Variants in COL4A3 observed in about 807,000 individuals in gnomAD.
The protein encoded by COL4A3 is collagen type IV alpha 3 chain, also known as collagen alpha-3(IV) chain.
Under a neutral mutation model 217.4 loss-of-function variants are expected in COL4A3, and 135 were observed. The ratio of observed to expected loss-of-function variants is 0.62; its 90% CI spans 0.54 to 0.72. COL4A3 has a LOEUF of 0.72. COL4A3 is among the 30% of genes least tolerant of loss of function. The pLI, the probability that COL4A3 is intolerant of heterozygous loss-of-function variation, is 0.00. For synonymous variants in COL4A3, 690 were observed against 736.3 expected, an observed-to-expected ratio of 0.94 and a Z score of 1.02; for missense variants, 1,868 against 2,119.9, an observed-to-expected ratio of 0.88 and a Z score of 2.33.
At chr2:227,238,210 C>T (rs970502857) in intron 2 of COL4A3, 186 bp downstream of exon 2, 18 of 482,478 alleles carry the variant, frequency 3.7e-5, no homozygotes, top group Non-Finnish European at 5.7e-5. Flanking sequence ...ATCTAGGAAG[C>T]TTCAGATACC....
At position 227,312,028 on chromosome 2, in the gene COL4A3, C is replaced by A; in HGVS notation, c.*158C>A. On this transcript the variant is annotated 3_prime_UTR_variant, in exon 52 of 52. Coordinates refer to ENST00000396578, the MANE Select transcript of COL4A3 (RefSeq NM_000091.5). ...TGTTTCCCCACAAAACAAAGCAATT[C>A]TTTCAAGTCAGTTCTGTGATCTGGG... is the stretch of plus-strand genomic sequence containing the variant. 7.4e-7 allele frequency: 1 copy of A among 1,350,842 alleles called. No individual in the cohort carries two copies. The highest frequency in any genetic ancestry group is 1.0e-6 in the Non-Finnish European group (1 of 981,018). The allele number at this position is 1,350,842 out of a possible 1,614,324, so 83.7% of individuals were successfully genotyped here.
At chr2:227,173,299 G>C (rs2065557124) in intron 1 of COL4A3, among the ~76,000 whole-genome samples, 1 of 152,146 alleles carries the variant, frequency 6.6e-6, no homozygotes, top group South Asian at 2.1e-4. Flanking sequence ...AAAACTCTTT[G>C]CTCTTCCTAG....
intron 1 of COL4A3, among the ~76,000 whole-genome samples, chr2:227,217,667 T>C (rs1332396749): frequency 1.3e-5 from 2 of 152,204 alleles, no homozygotes; most frequent in Admixed American, 6.5e-5. Context: ...AAATTATCAA[T>C]ATGCCATCTA....
intron 29 of COL4A3, 86 bp from the exon 30 acceptor site, chr2:227,280,354 G>C: frequency 6.7e-7 from 1 of 1,482,134 alleles, no homozygotes; most frequent in Non-Finnish European, 9.4e-7. Context: ...CTGTGCAACA[G>C]GGACTTAGAG....
At chr2:227,307,032 C>T (rs1350803549) in intron 47 of COL4A3, among the ~76,000 whole-genome samples, 9 of 152,122 alleles carry the variant, frequency 5.9e-5, no homozygotes, top group Admixed American at 5.9e-4. Flanking sequence ...TAGAACACGA[C>T]AAGTGTGGAT....
At position 227,238,017 on chromosome 2, in the gene COL4A3, G is replaced by A; in HGVS notation, c.137G>A (p.Gly46Glu). Residue 46 changes from glycine to glutamate, a missense_variant, in exon 2 of 52, where the codon GGG becomes GAG. This residue lies in a region of COL4A3 where 365 missense variants were observed against 333.8 expected (regional missense o/e 1.09). Coordinates refer to ENST00000396578, the MANE Select transcript of COL4A3 (RefSeq NM_000091.5). ...CAGTGCTTCTGTGACGGGGCCAAAG[G>A]GGAGAAGGTAAAAACAAACCCTAAT... is the stretch of plus-strand genomic sequence containing the variant. ...KGQCFCDGAKGEKGEKGFPGP... is the reference protein window; with the variant it reads ...KGQCFCDGAKEEKGEKGFPGP... 6.2e-7 allele frequency: 1 copy of A among 1,605,140 alleles called. No homozygotes were observed. The highest frequency in any genetic ancestry group is 8.5e-7 in the Non-Finnish European group (1 of 1,172,074).
intron 1 of COL4A3, among the ~76,000 whole-genome samples, chr2:227,171,681 T>C (rs1034936055): frequency 6.6e-6 from 1 of 152,138 alleles, no homozygotes; most frequent in Non-Finnish European, 1.5e-5. Flanking sequence ...TGAATCCGTG[T>C]GGGTCTGCAG....
rs113345186 is a variant in COL4A3 at position 227,166,383 on chromosome 2, G to C, written c.87+1570G>C. ...AAAAGCAAAATCCTAAAGGAAATGT[G>C]TGTTGTGGGGAAGCCTGGAGAAGAG... On this transcript the variant is annotated intron_variant, in intron 1 of 51. Coordinates refer to ENST00000396578, the MANE Select transcript of COL4A3 (RefSeq NM_000091.5). Among the ~76,000 whole-genome samples, 240 of 148,488 alleles carry C rather than the reference G, an allele frequency of 1.6e-3. 1 individual carries two copies. Among genetic ancestry groups the C allele is most frequent in the Non-Finnish European group, 2.7e-3 (186 of 67,958 alleles).
intron 1 of COL4A3, among the ~76,000 whole-genome samples, chr2:227,183,999 G>A (rs554672010): frequency 1.1e-4 from 16 of 152,220 alleles, no homozygotes; most frequent in African/African-American, 3.1e-4. Flanking sequence ...CAATTTCTAT[G>A]TGCTGCCCCC....
chr2:227,203,089 A>G lies in COL4A3; in HGVS notation c.88-34879A>G, dbSNP rs867296697. Among the ~76,000 whole-genome samples the G allele has an allele frequency of 4.8e-4, 29 of 60,372 alleles. 3 individuals carry two copies. Among genetic ancestry groups the G allele is most frequent in the African/African-American group, 1.8e-3 (26 of 14,424 alleles). 39.6% of individuals were successfully genotyped at this position (60,372 alleles called of 152,430 possible). On this transcript the variant is annotated intron_variant, in intron 1 of 51. Coordinates refer to ENST00000396578, the MANE Select transcript of COL4A3 (RefSeq NM_000091.5). ...CATATATGTGTATATATGTGTATAT[A>G]TGTGTATATATACATATATGTGTAT... is the stretch of plus-strand genomic sequence containing the variant.
intron 21 of COL4A3, 63 bp downstream of exon 21, chr2:227,264,007 C>T (rs544426350): frequency 7.7e-5 from 122 of 1,586,150 alleles, no homozygotes; most frequent in South Asian, 2.7e-4. Flanking sequence ...GTGCAAACCA[C>T]GGGCAACAAA....
chr2:227,180,235 G>A (rs1553730797), intron 1 of COL4A3, among the ~76,000 whole-genome samples: 1 of 152,160 alleles, frequency 6.6e-6, no homozygotes, highest in Non-Finnish European at 1.5e-5. Context: ...TAAAAACTGA[G>A]AACAGGGCAG....
intron 1 of COL4A3, among the ~76,000 whole-genome samples, chr2:227,184,474 T>C (rs1294271078): frequency 1.3e-5 from 2 of 152,244 alleles, no homozygotes; most frequent in African/African-American, 2.4e-5. Context: ...GGTTTCAGCT[T>C]CTGCCTTGCT....
intron 28 of COL4A3, among the ~76,000 whole-genome samples, chr2:227,278,198 T>C (rs1253254846): frequency 6.6e-6 from 1 of 151,886 alleles, no homozygotes; most frequent in Non-Finnish European, 1.5e-5. Context: ...AAATAAATTA[T>C]GGAAATTATT....
chr2:227,256,283 C>T lies in COL4A3; in HGVS notation c.934-60C>T. 2.7e-6 allele frequency: 4 copies of T among 1,477,864 alleles called. No homozygotes were observed. The South Asian group carries it at 3.4e-5, about 13-fold the overall frequency. The allele number at this position is 1,477,864 out of a possible 1,614,324, so 91.5% of individuals were successfully genotyped here. On this transcript the variant is annotated intron_variant, in intron 16 of 51. Transcript: ENST00000396578. Reference sequence around the variant, plus strand: ...CAGAGGAGTTCAAATTGCACCTGCTCCCCCAGAAGAAGTTGGCTCCTGTGT... The same window carrying T: ...CAGAGGAGTTCAAATTGCACCTGCTTCCCCAGAAGAAGTTGGCTCCTGTGT...
Position 227,255,713 on chromosome 2 carries a change from GT to G in COL4A3, c.889-303del, listed in dbSNP as rs937026578. On this transcript the variant is annotated intron_variant, in intron 15 of 51. Transcript: ENST00000396578. ...TTACTTCTCTGCCCAGTGTGTGTGT[GT>G]TTTTTTTTTCCCTTCCAAGTTTAGA... Among the ~76,000 whole-genome samples the G allele has an allele frequency of 2.5e-3, 378 of 150,236 alleles. 1 individual carries two copies. The highest frequency in any genetic ancestry group is 4.6e-3 in the Non-Finnish European group (310 of 67,342).
chr2:227,180,176 T>G (rs1264218985), intron 1 of COL4A3, among the ~76,000 whole-genome samples: 1 of 152,158 alleles, frequency 6.6e-6, no homozygotes, highest in Non-Finnish European at 1.5e-5. Context: ...TAGATTCTTA[T>G]TTTGCCATCT....
intron 1 of COL4A3, chr2:227,222,362 G>C (rs187917618): frequency 1.3e-5 from 2 of 152,052 alleles, no homozygotes; most frequent in Admixed American, 1.3e-4. Context: ...TTCTTGGCCT[G>C]TTCTCAGGTC....
rs528138889 is a variant in COL4A3 at position 227,255,921 on chromosome 2, C to T, written c.889-105C>T. The T allele has an allele frequency of 1.6e-4, 185 of 1,153,150 alleles. No individual in the cohort carries two copies. The African/African-American group carries it at 2.3e-3, about 15-fold the overall frequency. 71.4% of individuals were successfully genotyped at this position (1,153,150 alleles called of 1,614,324 possible). A position where few individuals can be genotyped will look rare whatever the true frequency, so the allele number is the denominator to read the frequency against. On this transcript the variant is annotated intron_variant, in intron 15 of 51. Transcript: ENST00000396578. The stretch of plus-strand genomic sequence containing the variant: ...GGTGAAGATCTTTACTCAGGCTTTT[C>T]ATGCCTGAGGTCAAGAGGAGATGAT...
Sources: gnomAD v4.1 joint callset for allele counts (sites outside exome capture counted in the v4.1 genomes callset) on GRCh38, gnomAD v4.1.1 for gene constraint, gnomAD v4.1.1 regional missense constraint, MANE v1.5 for transcripts, NCBI Gene and HGNC (gene_info 2026-07-23, HGNC 2026-07-21) for gene names.